L3MBTL4: variants seen among roughly 807,000 people sequenced by gnomAD.
L3MBTL4 encodes lethal(3)malignant brain tumor-like protein 4.
A neutral mutation model predicts 84.5 loss-of-function variants in L3MBTL4; 70 were observed. That is an observed-to-expected ratio of 0.83 (90% CI 0.68 to 1.01). L3MBTL4 has a LOEUF of 1.01. Among genes scored for constraint, L3MBTL4 ranks in the 50% least tolerant of loss-of-function variants. L3MBTL4 has a pLI of 0.00. For synonymous variants in L3MBTL4, 274 were observed against 259.8 expected, an observed-to-expected ratio of 1.05 and a Z score of -0.52; for missense variants, 715 against 754.8, an observed-to-expected ratio of 0.95 and a Z score of 0.62.
intron 14 of L3MBTL4, among the ~76,000 whole-genome samples, chr18:6,119,054 T>C (rs1446363941): frequency 6.7e-6 from 1 of 148,406 alleles, no homozygotes; most frequent in East Asian, 2.0e-4. Context: ...AAGAGCTTCC[T>C]TTGCAAGGCT....
At chr18:6,021,407 G>A (rs1275940860) in intron 16 of L3MBTL4, among the ~76,000 whole-genome samples, 2 of 152,196 alleles carry the variant, frequency 1.3e-5, no homozygotes, top group Middle Eastern at 3.2e-3. Flanking sequence ...ATAAAGCTTG[G>A]TGAAGAAATT....
chr18:6,147,497 AG>A (rs1239851102), intron 13 of L3MBTL4, among the ~76,000 whole-genome samples: 1 of 152,210 alleles, frequency 6.6e-6, no homozygotes, highest in Non-Finnish European at 1.5e-5. Context: ...TGCAAAAAAA[AG>A]AATTTTAAAA....
intron 16 of L3MBTL4, among the ~76,000 whole-genome samples, chr18:5,981,674 C>G (rs55744920): frequency 0.2 from 30,950 of 151,294 alleles, 4,733 homozygotes; most frequent in African/African-American, 0.43. Flanking sequence ...AAAAAGCCAG[C>G]CTTGGTGGCT....
intron 1 of L3MBTL4, among the ~76,000 whole-genome samples, chr18:6,355,353 A>G (rs138426348): frequency 6.6e-6 from 1 of 152,322 alleles, no homozygotes; most frequent in Non-Finnish European, 1.5e-5. Flanking sequence ...AATTTTTAAG[A>G]TTTCTAATAA....
chr18:6,272,411 AG>A (rs2048919174), intron 4 of L3MBTL4, among the ~76,000 whole-genome samples: 13 of 149,572 alleles, frequency 8.7e-5, no homozygotes, highest in African/African-American at 2.5e-4. Context: ...GGAGTTGTGC[AG>A]ATTCAACTAG....
intron 13 of L3MBTL4, among the ~76,000 whole-genome samples, chr18:6,161,956 C>T (rs1191865220): frequency 1.3e-5 from 2 of 150,234 alleles, no homozygotes; most frequent in East Asian, 2.0e-4. Flanking sequence ...TCTAAGAAAG[C>T]TAAGAGAGAA....
chr18:6,327,392 A>C (rs2051782276), intron 1 of L3MBTL4, among the ~76,000 whole-genome samples: 2 of 152,216 alleles, frequency 1.3e-5, no homozygotes, highest in South Asian at 4.1e-4. Context: ...TGAATAAATA[A>C]ATTGTGATAT....
intron 1 of L3MBTL4, among the ~76,000 whole-genome samples, chr18:6,369,339 G>A (rs1187354094): frequency 2.0e-5 from 3 of 152,198 alleles, no homozygotes; most frequent in Admixed American, 2.0e-4. Context: ...GTGTCCTCCA[G>A]GGGACGGGCA....
chr18:6,133,830 T>C (rs1598860565), intron 14 of L3MBTL4, among the ~76,000 whole-genome samples: 2 of 151,992 alleles, frequency 1.3e-5, no homozygotes. Context: ...GTTGGGTGAG[T>C]GGGCCCCAGC....
intron 16 of L3MBTL4, among the ~76,000 whole-genome samples, chr18:6,066,680 C>A (rs1356689338): frequency 6.6e-6 from 1 of 152,108 alleles, no homozygotes; most frequent in East Asian, 1.9e-4. Context: ...ATAGCTACTT[C>A]TGCTCACTTT....
At chr18:6,166,286 C>G (rs1353965182) in intron 13 of L3MBTL4, among the ~76,000 whole-genome samples, 1 of 152,170 alleles carries the variant, frequency 6.6e-6, no homozygotes, top group Non-Finnish European at 1.5e-5. Flanking sequence ...AGAAAGTTAA[C>G]AAGGATATCC....
chr18:6,128,033 TGGGG>T (rs2059754388), intron 14 of L3MBTL4, among the ~76,000 whole-genome samples: 1 of 92,068 alleles, frequency 1.1e-5, no homozygotes, highest in African/African-American at 4.5e-5. Flanking sequence ...AAATATTGGG[TGGGG>T]CGGGGGAAGA....
intron 10 of L3MBTL4, among the ~76,000 whole-genome samples, chr18:6,218,791 C>T (rs770882935): frequency 1.1e-3 from 160 of 152,162 alleles, no homozygotes; most frequent in Non-Finnish European, 1.5e-3. Flanking sequence ...CAACTTTCTT[C>T]CTTCCGACCC....
intron 16 of L3MBTL4, among the ~76,000 whole-genome samples, chr18:6,072,905 T>A (rs1298873785): frequency 0.02 from 1,335 of 67,168 alleles, 173 homozygotes; most frequent in African/African-American, 0.051. Flanking sequence ...TATATATATA[T>A]ATATATATAT....
Position 6,377,660 on chromosome 18 carries a change from T to C in L3MBTL4, c.-91+37141A>G, listed in dbSNP as rs532571715. Among the ~76,000 whole-genome samples the C allele has an allele frequency of 9.2e-5, 14 of 152,350 alleles. No individual in the cohort carries two copies. In the South Asian group the frequency reaches 2.3e-3, roughly 25 times the overall value. On this transcript the variant is annotated intron_variant, in intron 1 of 18. Coordinates refer to ENST00000317931, the MANE Select transcript of L3MBTL4 (RefSeq NM_001330559.2). Reference sequence around the variant, plus strand: ...CTGCAAAGGACATGAACACATCCTTTTTTATGGCTGCATAGTATTCCATGA... The same window carrying C: ...CTGCAAAGGACATGAACACATCCTTCTTTATGGCTGCATAGTATTCCATGA...
intron 16 of L3MBTL4, among the ~76,000 whole-genome samples, chr18:5,991,065 C>T (rs2053675420): frequency 6.6e-6 from 1 of 152,040 alleles, no homozygotes; most frequent in African/African-American, 2.4e-5. Context: ...TGCTGGTAGC[C>T]TCTGTTGTTC....
intron 1 of L3MBTL4, among the ~76,000 whole-genome samples, chr18:6,317,516 G>A (rs1239053296): frequency 6.6e-6 from 1 of 152,064 alleles, no homozygotes; most frequent in Non-Finnish European, 1.5e-5. Flanking sequence ...TTCAGAGCTC[G>A]AAGATAAGGC....
intron 1 of L3MBTL4, among the ~76,000 whole-genome samples, chr18:6,316,310 G>A (rs2051095679): frequency 1.3e-5 from 2 of 152,176 alleles, no homozygotes; most frequent in Non-Finnish European, 2.9e-5. Context: ...CAGTGGTCTG[G>A]CTCTCAGGGA....
chr18:6,000,615 G>C (rs75713724), intron 16 of L3MBTL4, among the ~76,000 whole-genome samples: 1 of 152,016 alleles, frequency 6.6e-6, no homozygotes, highest in African/African-American at 2.4e-5. Context: ...ATGAAACAGA[G>C]CAAATATTTA....
Sources: gnomAD v4.1 joint callset for allele counts (sites outside exome capture counted in the v4.1 genomes callset) on GRCh38, gnomAD v4.1.1 for gene constraint, MANE v1.5 for transcripts, NCBI Gene and HGNC (gene_info 2026-07-23, HGNC 2026-07-21) for gene names.